The following HSPA12A variants were observed in gnomAD, a reference collection of about 807,000 sequenced individuals.
HSPA12A encodes heat shock protein family A (Hsp70) member 12A.
In HSPA12A, 28 loss-of-function variants were observed where a neutral mutation model predicts 69.2. The ratio of observed to expected loss-of-function variants is 0.40; its 90% CI spans 0.30 to 0.55. The LOEUF is 0.55. HSPA12A is among the 20% of genes least tolerant of loss of function. The pLI, the probability that HSPA12A is intolerant of heterozygous loss-of-function variation, is 0.38. For synonymous variants in HSPA12A, 345 were observed against 370.5 expected, an observed-to-expected ratio of 0.93 and a Z score of 0.79; for missense variants, 686 against 900.7, an observed-to-expected ratio of 0.76 and a Z score of 3.05.
chr10:116,771,181 G>A (rs1554890442), intron 2 of HSPA12A, among the ~76,000 whole-genome samples: 1 of 152,234 alleles, frequency 6.6e-6, no homozygotes, highest in East Asian at 1.9e-4. Flanking sequence ...CGGTTCAAAG[G>A]CCCTGCCCAT....
At chr10:116,708,694 T>A (rs1554882760) in intron 1 of HSPA12A, among the ~76,000 whole-genome samples, 1 of 152,106 alleles carries the variant, frequency 6.6e-6, no homozygotes. Context: ...GTCCAGTAAT[T>A]ACAGAGGCAA....
Position 116,711,284 on chromosome 10 carries a change from G to A in HSPA12A, c.41-3999C>T, listed in dbSNP as rs551806001. ...GGATAGTCCAGTTCAGTCCCCACAG[G>A]TTGACTTGGACACACTAGGAACAGA... On this transcript the variant is annotated intron_variant, in intron 1 of 11. Coordinates refer to ENST00000369209, the MANE Select transcript of HSPA12A (RefSeq NM_025015.3). Among the ~76,000 whole-genome samples, 3 of 152,242 alleles carry A rather than the reference G, an allele frequency of 2.0e-5. No homozygotes were observed. In the South Asian group the frequency reaches 6.2e-4, roughly 32 times the overall value.
At chr10:116,834,371 G>A (rs1032781887) in intron 2 of HSPA12A, among the ~76,000 whole-genome samples, 7 of 152,224 alleles carry the variant, frequency 4.6e-5, no homozygotes, top group South Asian at 4.2e-4. Flanking sequence ...GGAGTTTGTC[G>A]GTGGCATCTC....
rs1018135592 is a variant in HSPA12A, at chr10:116,686,366, C to T, written c.664-2404G>A. Reference sequence around the variant, plus strand: ...TGTGGAGTCAAGGACCTCCCAGGAGCATAGAAGGTCCAAGGGGGAAGCTTC... The same window carrying T: ...TGTGGAGTCAAGGACCTCCCAGGAGTATAGAAGGTCCAAGGGGGAAGCTTC... On this transcript the variant is annotated intron_variant, in intron 6 of 11. Transcript: ENST00000369209. The surrounding 1 kb of genome is among the most constrained non-coding windows in gnomAD (Gnocchi z 4.1). 6.6e-6 allele frequency among the ~76,000 whole-genome samples: 1 copy of T among 152,124 alleles called. No individual in the cohort carries two copies. The highest frequency in any genetic ancestry group is 2.4e-5 in the African/African-American group (1 of 41,420).
chr10:116,821,828 G>A (rs937244635), intron 2 of HSPA12A, among the ~76,000 whole-genome samples: 3 of 152,200 alleles, frequency 2.0e-5, no homozygotes, highest in African/African-American at 7.2e-5. Flanking sequence ...CTGTCAGATG[G>A]GAGCTCCCAC....
chr10:116,739,012 C>T (rs1851397299), intron 1 of HSPA12A, among the ~76,000 whole-genome samples: 2 of 152,206 alleles, frequency 1.3e-5, no homozygotes, highest in Non-Finnish European at 2.9e-5. Flanking sequence ...TTGCTTACTT[C>T]CTTTGGGGGC....
intron 1 of HSPA12A, among the ~76,000 whole-genome samples, chr10:116,734,448 T>TAAAA (rs34843566): frequency 3.0e-5 from 3 of 101,428 alleles, no homozygotes; most frequent in African/African-American, 4.0e-5. Flanking sequence ...AGACTCTGTC[T>TAAAA]AAAAAAAAAA....
At chr10:116,849,449 C>A in intron 1 of HSPA12A, 1 of 1,373,588 alleles carries the variant, frequency 7.3e-7, no homozygotes, top group Non-Finnish European at 9.6e-7. Flanking sequence ...GCAGGAAGAA[C>A]CTAGGCCTGG....
chr10:116,836,945 C>T (rs1401793578), intron 1 of HSPA12A, among the ~76,000 whole-genome samples: 2 of 152,094 alleles, frequency 1.3e-5, no homozygotes, highest in Non-Finnish European at 2.9e-5. Flanking sequence ...GAAGGGTCTT[C>T]GTTTCTCCTT....
At chr10:116,838,965 C>T (rs1038347935) in intron 1 of HSPA12A, among the ~76,000 whole-genome samples, 13 of 152,162 alleles carry the variant, frequency 8.5e-5, no homozygotes, top group East Asian at 5.8e-4. Flanking sequence ...TTAGTAAATC[C>T]GTGTGTTTAC....
chr10:116,798,366 A>T (rs1254980304), intron 2 of HSPA12A, among the ~76,000 whole-genome samples: 1 of 152,164 alleles, frequency 6.6e-6, no homozygotes, highest in Non-Finnish European at 1.5e-5. Flanking sequence ...CCCTGGGCAA[A>T]CAGGGACAAG....
intron 2 of HSPA12A, among the ~76,000 whole-genome samples, chr10:116,796,145 C>CAAA (rs10522145): frequency 0.015 from 1,660 of 110,090 alleles, 72 homozygotes; most frequent in Admixed American, 0.058. Context: ...AAGACTCCAT[C>CAAA]AAAAAAAAAA....
rs189690170 is a variant in HSPA12A, at chr10:116,771,814, C to T, written c.91+63121G>A. Among the ~76,000 whole-genome samples the T allele has an allele frequency of 2.0e-5, 3 of 152,290 alleles. No individual in the cohort carries two copies. In the East Asian group the frequency reaches 5.8e-4, roughly 30 times the overall value. ...AGGGGACAATGGTGAGAGTGCACCC[C>T]CAAGGTGCCTTGGGTTCCAGAAGCA... On this transcript the variant is annotated intron_variant, in intron 2 of 12. Coordinates refer to the HSPA12A transcript ENST00000635765.
chr10:116,711,852 T>C (rs931066100), intron 1 of HSPA12A, among the ~76,000 whole-genome samples: 1 of 151,716 alleles, frequency 6.6e-6, no homozygotes, highest in Non-Finnish European at 1.5e-5. Context: ...TTTAAATTTT[T>C]AAATTTTTTT....
At chr10:116,761,425 G>T (rs1843969704) in intron 2 of HSPA12A, among the ~76,000 whole-genome samples, 1 of 151,294 alleles carries the variant, frequency 6.6e-6, no homozygotes, top group African/African-American at 2.4e-5. Context: ...GACGGAGATT[G>T]CAGTGAGCCG....
intron 2 of HSPA12A, among the ~76,000 whole-genome samples, chr10:116,821,460 A>G (rs537932154): frequency 1.3e-5 from 2 of 152,270 alleles, no homozygotes; most frequent in Non-Finnish European, 2.9e-5. Context: ...CCCCTATTTT[A>G]AATTCCAACC....
chr10:116,714,765 C>G (rs1554883584), intron 1 of HSPA12A, among the ~76,000 whole-genome samples: 3 of 152,158 alleles, frequency 2.0e-5, no homozygotes, highest in Admixed American at 1.3e-4. Context: ...TCTCTACTGC[C>G]CCACATCCCT....
intron 1 of HSPA12A, among the ~76,000 whole-genome samples, chr10:116,837,163 G>A (rs1233924895): frequency 6.6e-6 from 1 of 152,152 alleles, no homozygotes; most frequent in Non-Finnish European, 1.5e-5. Flanking sequence ...CAATGTGAAG[G>A]AGTAATTTAC....
intron 5 of HSPA12A, among the ~76,000 whole-genome samples, chr10:116,694,561 A>T (rs1476454673): frequency 2.0e-5 from 3 of 151,646 alleles, no homozygotes; most frequent in Admixed American, 2.0e-4. Context: ...CCCTTCTGAG[A>T]TGGGCTGCTC....
Sources: gnomAD v4.1 joint callset for allele counts (sites outside exome capture counted in the v4.1 genomes callset) on GRCh38, gnomAD v4.1.1 for gene constraint, Gnocchi (gnomAD v3.1) non-coding constraint, MANE v1.5 for transcripts, NCBI Gene and HGNC (gene_info 2026-07-23, HGNC 2026-07-21) for gene names.